Variants in SRGAP2 observed in about 807,000 individuals in gnomAD.
SRGAP2 encodes SLIT-ROBO Rho GTPase-activating protein 2.
A neutral mutation model predicts 57.2 loss-of-function variants in SRGAP2; 15 were observed. The observed-to-expected ratio is 0.26, with a 90% CI of 0.18 to 0.40. The LOEUF is 0.40. Among genes scored for constraint, SRGAP2 ranks in the 10% least tolerant of loss-of-function variants. SRGAP2 has a pLI of 1.00. For missense variants in SRGAP2, 520 were observed against 669.6 expected (o/e 0.78, Z 2.47); for synonymous variants, 249 against 248.0 (o/e 1.00, Z -0.04).
At chr1:206,426,967 T>G (rs1553366556) in intron 13 of SRGAP2, among the ~76,000 whole-genome samples, 1 of 152,210 alleles carries the variant, frequency 6.6e-6, no homozygotes, top group Non-Finnish European at 1.5e-5. Flanking sequence ...CTTTGTAGCT[T>G]GAGATAATCC....
In SRGAP2 at chr1:206,461,141, C is replaced by T. The variant is rs1664235569; in HGVS notation, c.2937C>T (p.Pro979=). The T allele has an allele frequency of 1.3e-6, 1 of 780,610 alleles. No individual in the cohort carries two copies. The highest frequency in any genetic ancestry group is 2.4e-6 in the Non-Finnish European group (1 of 417,824). 48.4% of individuals were successfully genotyped at this position (780,610 alleles called of 1,614,324 possible). ...TPDVVLDTLE[P]LKTSPVVAPT... ...ACGTGGTTCTGGACACCTTGGAGCC[C>T]CTCAAAACCTCCCCAGTGGTGGCCC... Residue 979 remains proline, a synonymous_variant, in exon 23 of 23, where the codon CCC becomes CCT. Transcript: ENST00000573034.
Position 206,458,667 on chromosome 1 carries a change from G to T in SRGAP2, c.2552G>T (p.Arg851Leu). 1.3e-6 allele frequency: 1 copy of T among 772,088 alleles called. No homozygotes were observed. The highest frequency in any genetic ancestry group is 2.4e-5 in the East Asian group (1 of 40,972). The allele number at this position is 772,088 out of a possible 1,614,324, so 47.8% of individuals were successfully genotyped here. The change falls in exon 22 of 23, where the codon CGG becomes CTG. Residue 851 changes from arginine to leucine, a missense_variant. By Grantham distance (102) the Arg-to-Leu change is moderately radical. This residue lies in a region of SRGAP2 where 478 missense variants were observed against 373.6 expected (regional missense o/e 1.28). Coordinates refer to ENST00000573034, the MANE Select transcript of SRGAP2 (RefSeq NM_015326.5). ...TCTGGGAGCATCCGGAAAACTTTTC[G>T]GAGTGACAGCCATGGGCTGAGCAGT... ...PESGSIRKTF[R>L]SDSHGLSSSL...
At position 206,424,413 on chromosome 1, in the gene SRGAP2, G is replaced by A. The variant is rs111733796; in HGVS notation, c.1494+3139G>A. Among the ~76,000 whole-genome samples the A allele has an allele frequency of 5.3e-4, 81 of 152,300 alleles. 1 individual carries two copies. Among genetic ancestry groups the A allele is most frequent in the African/African-American group, 1.8e-3 (76 of 41,568 alleles). On this transcript the variant is annotated intron_variant, in intron 13 of 22. Coordinates refer to ENST00000573034, the MANE Select transcript of SRGAP2 (RefSeq NM_015326.5). ...CTCACGCCTTTAGTCCCAGCACTTT[G>A]GGAGGCCCAGATGGGCGGATCACCT... is the stretch of plus-strand genomic sequence containing the variant.
At chr1:206,267,210 C>T (rs1284507503) in intron 2 of SRGAP2, among the ~76,000 whole-genome samples, 94 of 152,180 alleles carry the variant, frequency 6.2e-4, no homozygotes, top group Admixed American at 2.8e-3. Flanking sequence ...CCTCGTGATC[C>T]GCCTGCCTCT....
chr1:206,236,897 A>T (rs1418730503), intron 2 of SRGAP2, among the ~76,000 whole-genome samples: 5 of 116,666 alleles, frequency 4.3e-5, no homozygotes, highest in Non-Finnish European at 8.6e-5. Context: ...ATTTATTTTA[A>T]TTTTTTTTTG....
At chr1:206,367,769 GA>G (rs2103012790) in intron 4 of SRGAP2, among the ~76,000 whole-genome samples, 1 of 149,380 alleles carries the variant, frequency 6.7e-6, no homozygotes, top group African/African-American at 2.5e-5. Flanking sequence ...GCCAAACTTG[GA>G]GTTTGAACTT....
At chr1:206,451,315 A>C (rs1017972556) in intron 19 of SRGAP2, among the ~76,000 whole-genome samples, 1 of 152,082 alleles carries the variant, frequency 6.6e-6, no homozygotes, top group Admixed American at 6.6e-5. Context: ...GGCGTGCATC[A>C]AGGGGAGGAA....
chr1:206,435,854 AT>A (rs1314892464), intron 14 of SRGAP2, among the ~76,000 whole-genome samples: 2 of 152,098 alleles, frequency 1.3e-5, no homozygotes, highest in Non-Finnish European at 2.9e-5. Context: ...CTATGCCAGC[AT>A]TTTTTTCATG....
intron 10 of SRGAP2, among the ~76,000 whole-genome samples, chr1:206,415,266 A>C (rs1226464970): frequency 6.6e-6 from 1 of 152,186 alleles, no homozygotes; most frequent in Admixed American, 6.5e-5. Flanking sequence ...CATTTCCAAA[A>C]CTTCATCTTG....
intron 11 of SRGAP2, among the ~76,000 whole-genome samples, chr1:206,416,236 C>A (rs1553361927): frequency 2.0e-5 from 3 of 152,184 alleles, no homozygotes; most frequent in Non-Finnish European, 4.4e-5. Flanking sequence ...TCCCTCCACC[C>A]TCGCCTCCTC....
At chr1:206,240,496 G>A (rs1161259422) in intron 2 of SRGAP2, among the ~76,000 whole-genome samples, 4 of 152,112 alleles carry the variant, frequency 2.6e-5, no homozygotes, top group African/African-American at 9.7e-5. Context: ...AGCCATGCAC[G>A]CATGCAAGCA....
At chr1:206,411,709 C>T (rs1553359681) in intron 10 of SRGAP2, among the ~76,000 whole-genome samples, 1 of 152,144 alleles carries the variant, frequency 6.6e-6, no homozygotes, top group Admixed American at 6.5e-5. Context: ...AAGCAACATC[C>T]AGTGAGTTTT....
chr1:206,386,324 CCT>C (rs1210447538), intron 5 of SRGAP2, among the ~76,000 whole-genome samples: 2 of 150,850 alleles, frequency 1.3e-5, no homozygotes, highest in Admixed American at 1.3e-4. Flanking sequence ...TAGATTCTAC[CCT>C]GTCTTGACTA....
At chr1:206,447,192 C>G (rs1662830419) in intron 18 of SRGAP2, among the ~76,000 whole-genome samples, 3 of 151,662 alleles carry the variant, frequency 2.0e-5, no homozygotes, top group East Asian at 3.8e-4. Flanking sequence ...TCCTCCTCCC[C>G]CTCCCTTCTT....
chr1:206,319,140 G>A (rs1673270666), intron 3 of SRGAP2, among the ~76,000 whole-genome samples: 2 of 151,338 alleles, frequency 1.3e-5, no homozygotes, highest in East Asian at 2.0e-4. Flanking sequence ...TGCCGGGTGC[G>A]GTGGCTCACG....
chr1:206,453,646 C>T (rs1663545621), intron 20 of SRGAP2: 2 of 312,154 alleles, frequency 6.4e-6, no homozygotes, highest in Non-Finnish European at 1.2e-5. Context: ...ACCTGCCAGC[C>T]AGCCAGCACT....
chr1:206,434,981 T>C (rs1274637942), intron 14 of SRGAP2, among the ~76,000 whole-genome samples: 1 of 152,254 alleles, frequency 6.6e-6, no homozygotes, highest in African/African-American at 2.4e-5. Flanking sequence ...GCACTTGTTG[T>C]TTACATACTA....
intron 11 of SRGAP2, among the ~76,000 whole-genome samples, chr1:206,418,311 C>T (rs781974350): frequency 6.6e-5 from 10 of 152,126 alleles, no homozygotes; most frequent in Non-Finnish European, 1.2e-4. Flanking sequence ...CCTTTGGTAA[C>T]GAGAGACAGT....
At chr1:206,436,105 T>TTA (rs1468591552) in intron 14 of SRGAP2, among the ~76,000 whole-genome samples, 1 of 151,990 alleles carries the variant, frequency 6.6e-6, no homozygotes, top group African/African-American at 2.4e-5. Flanking sequence ...ATTTTTTTTT[T>TTA]ATCATCAGCT....
Sources: gnomAD v4.1 joint callset for allele counts (sites outside exome capture counted in the v4.1 genomes callset) on GRCh38, gnomAD v4.1.1 for gene constraint, gnomAD v4.1.1 regional missense constraint, MANE v1.5 for transcripts, NCBI Gene and HGNC (gene_info 2026-07-23, HGNC 2026-07-21) for gene names.